The following RBFOX1 variants were observed in gnomAD, a reference collection of about 807,000 sequenced individuals.
RBFOX1 encodes RNA binding fox-1 homolog 1.
RBFOX1 carries 8 observed loss-of-function variants against 57.7 expected under a neutral mutation model. The observed-to-expected ratio is 0.14, with a 90% CI of 0.08 to 0.25. The LOEUF (loss-of-function observed/expected upper bound fraction) is 0.25, where lower values mean the gene tolerates loss of function less well. RBFOX1 is among the 10% of genes least tolerant of loss of function. The pLI is 1.00. For missense variants in RBFOX1, 611 were observed against 548.5 expected (o/e 1.11, Z -1.14); for synonymous variants, 326 against 222.4 (o/e 1.47, Z -4.15).
chr16:6,121,438 G>T (rs1007169506), intron 1 of RBFOX1, among the ~76,000 whole-genome samples: 3 of 152,128 alleles, frequency 2.0e-5, no homozygotes, highest in African/African-American at 7.2e-5. Flanking sequence ...TGAAATCCTT[G>T]ATCCTACCTG....
At chr16:6,982,913 G>C (rs578230612) in intron 3 of RBFOX1, among the ~76,000 whole-genome samples, 1 of 140,194 alleles carries the variant, frequency 7.1e-6, no homozygotes, top group Admixed American at 7.7e-5. Context: ...AGAACAACTT[G>C]AACCCAGGAG....
At chr16:6,013,609 T>C (rs889490321) in intron 4 of RBFOX1, among the ~76,000 whole-genome samples, 5 of 152,166 alleles carry the variant, frequency 3.3e-5, no homozygotes, top group Non-Finnish European at 7.4e-5. Context: ...TGAGTCCCAC[T>C]CTAACCACTA....
intron 3 of RBFOX1, among the ~76,000 whole-genome samples, chr16:6,840,302 T>A (rs994291747): frequency 2.6e-5 from 4 of 152,200 alleles, no homozygotes; most frequent in African/African-American, 9.6e-5. Flanking sequence ...AAGGCAACTT[T>A]AGGGTGTAAG....
At chr16:7,385,233 A>G (rs554779523) in intron 4 of RBFOX1, among the ~76,000 whole-genome samples, 1 of 152,328 alleles carries the variant, frequency 6.6e-6, no homozygotes, top group Non-Finnish European at 1.5e-5. Flanking sequence ...ACTGCTTGCC[A>G]CGTGAAACAT....
chr16:7,441,798 C>G (rs1173693055), intron 4 of RBFOX1, among the ~76,000 whole-genome samples: 2 of 152,180 alleles, frequency 1.3e-5, no homozygotes, highest in East Asian at 1.9e-4. Flanking sequence ...CAGGTCAACA[C>G]AGACCCTCTT....
chr16:7,108,747 G>A (rs1013789228), intron 4 of RBFOX1, among the ~76,000 whole-genome samples: 3 of 152,132 alleles, frequency 2.0e-5, no homozygotes, highest in Admixed American at 6.6e-5. Flanking sequence ...AATTTATCTT[G>A]GAGATACACT....
chr16:5,829,933 G>C (rs1468053520), intron 3 of RBFOX1, among the ~76,000 whole-genome samples: 1 of 152,166 alleles, frequency 6.6e-6, no homozygotes, highest in Non-Finnish European at 1.5e-5. Context: ...AGACGGTTGG[G>C]CTTCTGAAAG....
At chr16:6,838,323 C>G (rs2093253845) in intron 3 of RBFOX1, among the ~76,000 whole-genome samples, 2 of 152,074 alleles carry the variant, frequency 1.3e-5, no homozygotes, top group African/African-American at 4.8e-5. Flanking sequence ...ATGATGGCTT[C>G]CAGCTTCACC....
At chr16:7,306,430 A>G (rs138499000) in intron 4 of RBFOX1, among the ~76,000 whole-genome samples, 1 of 152,338 alleles carries the variant, frequency 6.6e-6, no homozygotes, top group East Asian at 1.9e-4. Flanking sequence ...AAGTGACTAA[A>G]TCAGCATCAT....
chr16:5,777,596 C>A (rs567502199), intron 3 of RBFOX1, among the ~76,000 whole-genome samples: 2 of 152,288 alleles, frequency 1.3e-5, no homozygotes, highest in Admixed American at 6.5e-5. Context: ...TCGAGCAGGT[C>A]ACTCAACCTT....
In RBFOX1 at chr16:7,063,610, G is replaced by A. The variant is rs552526706; in HGVS notation, c.27+11512G>A. Among the ~76,000 whole-genome samples, 3 of 152,266 alleles carry A rather than the reference G, an allele frequency of 2.0e-5. No homozygotes were observed. The East Asian group carries it at 5.8e-4, about 29-fold the overall frequency. On this transcript the variant is annotated intron_variant, in intron 4 of 15. Coordinates refer to ENST00000550418, the MANE Select transcript of RBFOX1 (RefSeq NM_018723.4). ...AATTTAGCTGGTAAAATGTTTTGAT[G>A]TCTCAGCCTTATCCTAGGAATGCTA...
intron 3 of RBFOX1, among the ~76,000 whole-genome samples, chr16:5,724,751 C>G (rs2052073008): frequency 6.6e-6 from 1 of 152,176 alleles, no homozygotes; most frequent in South Asian, 2.1e-4. Flanking sequence ...TGAGTACCTA[C>G]CAAGTACCTG....
intron 4 of RBFOX1, among the ~76,000 whole-genome samples, chr16:7,494,363 A>G (rs1029906461): frequency 2.0e-5 from 3 of 151,742 alleles, no homozygotes; most frequent in African/African-American, 7.3e-5. Flanking sequence ...CTAGTGTGTT[A>G]TTTTCCAAGC....
At chr16:7,108,651 GGAGTT>G (rs777012392) in intron 4 of RBFOX1, among the ~76,000 whole-genome samples, 5 of 152,104 alleles carry the variant, frequency 3.3e-5, no homozygotes, top group Non-Finnish European at 7.4e-5. Flanking sequence ...CCTGAGCATA[GGAGTT>G]TAAAGCAATG....
intron 4 of RBFOX1, among the ~76,000 whole-genome samples, chr16:7,334,776 G>A (rs1181541814): frequency 6.6e-6 from 1 of 152,166 alleles, no homozygotes; most frequent in Non-Finnish European, 1.5e-5. Flanking sequence ...AAATTGGGGA[G>A]GCCCTATTTC....
At chr16:7,042,118 C>A (rs1432459187) in intron 3 of RBFOX1, among the ~76,000 whole-genome samples, 6 of 152,132 alleles carry the variant, frequency 3.9e-5, no homozygotes, top group Non-Finnish European at 8.8e-5. Flanking sequence ...CTGGTTCTTA[C>A]CTCAATAAGC....
intron 1 of RBFOX1, among the ~76,000 whole-genome samples, chr16:6,232,470 A>G (rs948920945): frequency 3.3e-5 from 5 of 152,066 alleles, no homozygotes; most frequent in African/African-American, 4.8e-5. Flanking sequence ...GATCCTGGTG[A>G]TTTTACAACT....
chr16:7,618,531 TG>T (rs948785218), intron 10 of RBFOX1, among the ~76,000 whole-genome samples: 16 of 152,240 alleles, frequency 1.1e-4, no homozygotes, highest in Admixed American at 4.6e-4. Flanking sequence ...CAAGGTGACA[TG>T]TTTTTTTTTA....
At chr16:5,937,333 C>T (rs2059187085) in intron 4 of RBFOX1, among the ~76,000 whole-genome samples, 1 of 152,168 alleles carries the variant, frequency 6.6e-6, no homozygotes, top group Non-Finnish European at 1.5e-5. Flanking sequence ...GTATCCCTGT[C>T]CTCAGAGAAC....
Sources: gnomAD v4.1 joint callset for allele counts (sites outside exome capture counted in the v4.1 genomes callset) on GRCh38, gnomAD v4.1.1 for gene constraint, MANE v1.5 for transcripts, NCBI Gene and HGNC (gene_info 2026-07-23, HGNC 2026-07-21) for gene names.